The following TACC2 variants were observed in gnomAD, a reference collection of about 807,000 sequenced individuals.
TACC2 encodes transforming acidic coiled-coil containing protein 2, also known as transforming acidic coiled-coil-containing protein 2.
Under a neutral mutation model 227.3 loss-of-function variants are expected in TACC2, and 137 were observed. The observed-to-expected ratio is 0.60, with a 90% CI of 0.52 to 0.69. TACC2 has a LOEUF of 0.69. TACC2 is among the 30% of genes least tolerant of loss of function. TACC2 has a pLI of 0.00. For synonymous variants in TACC2, 1,523 were observed against 1,487.5 expected (o/e 1.02, Z -0.55); for missense variants, 3,470 against 3,694.4 (o/e 0.94, Z 1.57).
chr10:122,185,282 C>T (rs2094145878), intron 7 of TACC2, among the ~76,000 whole-genome samples: 1 of 151,854 alleles, frequency 6.6e-6, no homozygotes, highest in Non-Finnish European at 1.5e-5. Context: ...ACCTCCGCCT[C>T]CTGGGTTCAT....
At chr10:122,060,285 AAAG>A (rs764373093) in intron 3 of TACC2, among the ~76,000 whole-genome samples, 8 of 152,096 alleles carry the variant, frequency 5.3e-5, no homozygotes, top group Non-Finnish European at 1.0e-4. Context: ...CCAGGCGGTC[AAAG>A]AAGGGGCCCA....
rs1359762986 is a variant in TACC2, at chr10:122,087,138, C to A, written c.4638C>A (p.Tyr1546Ter). Residue 1546 changes from tyrosine to a stop codon, truncating the protein, a stop_gained, in exon 4 of 23, where the codon TAC becomes TAA. Coordinates refer to ENST00000369005, the MANE Select transcript of TACC2 (RefSeq NM_206862.4). LOFTEE classifies it high-confidence loss of function. ...AAWPGLEGQA[Y>*]SQLERSRQEL... Reference sequence around the variant, plus strand: ...GGCCAGGCCTGGAAGGCCAGGCTTACTCACAGCTGGAGAGGAGCAGGCAGG... The same window carrying A: ...GGCCAGGCCTGGAAGGCCAGGCTTAATCACAGCTGGAGAGGAGCAGGCAGG... The A allele has an allele frequency of 6.2e-7, 1 of 1,610,784 alleles. No homozygotes were observed. Among genetic ancestry groups the A allele is most frequent in the Non-Finnish European group, 8.5e-7 (1 of 1,179,090 alleles).
In TACC2 at chr10:122,085,033, C is replaced by A. The variant is rs761456928; in HGVS notation, c.2533C>A (p.Leu845Ile). 9.3e-6 allele frequency: 15 copies of A among 1,614,052 alleles called. No homozygotes were observed. In the South Asian group the frequency reaches 1.6e-4, roughly 18 times the overall value. ...AQPETSIFDV[L>I]KEQAQPPENG... ...ACCAGAGACATCCATCTTTGACGTG[C>A]TCAAGGAGCAGGCCCAGCCACCTGA... Residue 845 changes from leucine (L) to isoleucine (I), a missense_variant, in exon 4 of 23, where the codon CTC becomes ATC. By Grantham distance (5) the Leu-to-Ile change is conservative. Transcript: ENST00000369005.
rs75408658 is a variant in TACC2, at chr10:122,123,448, C to A, written c.5574-9161C>A. ...ATCACTAAAAAGCACAATGTGCTTA[C>A]CCCGAGGGACCTGGGGAACCCACCT... is the stretch of plus-strand genomic sequence containing the variant. On this transcript the variant is annotated intron_variant, in intron 5 of 22. Coordinates refer to ENST00000369005, the MANE Select transcript of TACC2 (RefSeq NM_206862.4). 7.2e-3 allele frequency among the ~76,000 whole-genome samples: 1,098 copies of A among 152,280 alleles called. 16 individuals carry two copies. Among genetic ancestry groups the A allele is most frequent in the African/African-American group, 0.024 (1,002 of 41,560 alleles).
rs372413580 is a variant in TACC2 at position 122,249,093 on chromosome 10, G to A, written c.8597G>A (p.Arg2866Gln). The A allele has an allele frequency of 1.9e-5, 30 of 1,613,282 alleles. No individual in the cohort carries two copies. The highest frequency in any genetic ancestry group is 2.2e-5 in the East Asian group (1 of 44,886). Reference sequence around the variant, plus strand: ...AGATGTGCGCAGGAGTACCTGTCCCGGGTGAAGAAGGAGGAGCAGAGGTAC... The same window carrying A: ...AGATGTGCGCAGGAGTACCTGTCCCAGGTGAAGAAGGAGGAGCAGAGGTAC... ...LKRCAQEYLS[R>Q]VKKEEQRYQA... is the part of the protein sequence containing the mutation. Residue 2866 changes from arginine to glutamine, a missense_variant, in exon 21 of 23, where the codon CGG (arginine) becomes CAG (glutamine). Arg to Gln is a conservative substitution (Grantham distance 43). Around this residue, in one of 10 missense-constraint regions of TACC2, gnomAD observed 89 missense variants for 91.4 expected, o/e 0.97. Transcript: ENST00000369005.
chr10:122,211,695 A>G lies in TACC2; in HGVS notation c.7270A>G (p.Thr2424Ala). ...GLNKPAKKKK[T>A]PLKTDTFRVK... ...AAACAAGCCCGCCAAGAAGAAGAAG[A>G]CGCCCCTAAAGACGTAAGTTCAGGG... is the stretch of plus-strand genomic sequence containing the variant. The change falls in exon 9 of 23, where the codon ACG becomes GCG. Residue 2424 changes from threonine to alanine, a missense_variant. Thr to Ala is a moderately conservative substitution (Grantham distance 58). This residue lies in a region of TACC2 where 593 missense variants were observed against 636.6 expected (regional missense o/e 0.93). Coordinates refer to ENST00000369005, the MANE Select transcript of TACC2 (RefSeq NM_206862.4). 1 of 1,554,192 alleles carries G rather than the reference A, an allele frequency of 6.4e-7. No homozygotes were observed. The highest frequency in any genetic ancestry group is 2.2e-5 in the East Asian group (1 of 44,558).
rs1056009119 is a variant in TACC2 at position 122,144,504 on chromosome 10, G to A, written c.5834+798G>A. On this transcript the variant is annotated intron_variant, in intron 7 of 22. Coordinates refer to ENST00000369005, the MANE Select transcript of TACC2 (RefSeq NM_206862.4). ...AAATGCATCTGGGTGTGCTGAGAAC[G>A]GCAGGCCTCGGTCCTCAGGGAGCTC... is the stretch of plus-strand genomic sequence containing the variant. Among the ~76,000 whole-genome samples, 5 of 152,180 alleles carry A rather than the reference G, an allele frequency of 3.3e-5. No individual in the cohort carries two copies. In the East Asian group the frequency reaches 9.6e-4, roughly 29 times the overall value.
Position 122,230,398 on chromosome 10 carries a change from C to A in TACC2, c.8085C>A (p.Ala2695=), listed in dbSNP as rs776167726. The change falls in exon 16 of 23, where the codon GCC becomes GCA. Residue 2695 remains alanine, a synonymous_variant. Coordinates refer to ENST00000369005, the MANE Select transcript of TACC2 (RefSeq NM_206862.4). ...TGCGGATAGAAGCCCTGAAGCTGGCCAGGCAGATTGCTTTGGCTTCCCGCA... is the reference window on the plus strand; with the variant it reads ...TGCGGATAGAAGCCCTGAAGCTGGCAAGGCAGATTGCTTTGGCTTCCCGCA... The part of the protein sequence containing the change: ...AIMRIEALKL[A]RQIALASRSH... 1 of 1,614,198 alleles carries A rather than the reference C, an allele frequency of 6.2e-7. No individual in the cohort carries two copies. The highest frequency in any genetic ancestry group is 8.5e-7 in the Non-Finnish European group (1 of 1,180,038).
At chr10:122,069,968 A>G (rs551793131) in intron 3 of TACC2, among the ~76,000 whole-genome samples, 42 of 152,334 alleles carry the variant, frequency 2.8e-4, no homozygotes. Flanking sequence ...AGGAAGCTGG[A>G]TGATCTTTAT....
Position 122,112,561 on chromosome 10 carries a change from A to G in TACC2, c.5574-20048A>G, listed in dbSNP as rs563968862. On this transcript the variant is annotated intron_variant, in intron 5 of 22. Coordinates refer to ENST00000369005, the MANE Select transcript of TACC2 (RefSeq NM_206862.4). ...TGGCTCCAGGAACAAGCGAGGCACC[A>G]TTTCACCCCCAGCTTCTTTCTGAGG... Among the ~76,000 whole-genome samples the G allele has an allele frequency of 2.6e-5, 4 of 152,264 alleles. No individual in the cohort carries two copies. In the South Asian group the frequency reaches 8.3e-4, roughly 32 times the overall value.
intron 8 of TACC2, among the ~76,000 whole-genome samples, chr10:122,196,933 CA>C (rs58473562): frequency 0.068 from 5,347 of 78,114 alleles, 303 homozygotes; most frequent in African/African-American, 0.25. Context: ...GAGTCCGTCT[CA>C]AAAAAAAAAA....
chr10:122,027,168 G>A (rs1253812025), intron 2 of TACC2, among the ~76,000 whole-genome samples: 1 of 152,094 alleles, frequency 6.6e-6, no homozygotes, highest in African/African-American at 2.4e-5. Flanking sequence ...GGTATATAGT[G>A]GTATCTTGTT....
At chr10:122,153,296 G>C (rs2092235253) in intron 7 of TACC2, among the ~76,000 whole-genome samples, 1 of 152,176 alleles carries the variant, frequency 6.6e-6, no homozygotes, top group East Asian at 1.9e-4. Context: ...GGCCCGATAT[G>C]TATTTCATCT....
At chr10:122,249,237 G>T in intron 21 of TACC2, 81 bp downstream of exon 21, 1 of 1,057,632 alleles carries the variant, frequency 9.5e-7, no homozygotes. Context: ...CTCTGGCAGC[G>T]CCTGTGACAT....
At chr10:122,047,237 C>T (rs750975349) in intron 2 of TACC2, among the ~76,000 whole-genome samples, 4 of 123,606 alleles carry the variant, frequency 3.2e-5, no homozygotes, top group African/African-American at 6.1e-5. Flanking sequence ...TGCAGCGATC[C>T]GAGATGGTGC....
chr10:122,215,537 C>T (rs2095385806), intron 10 of TACC2, 86 bp downstream of exon 10: 3 of 1,131,198 alleles, frequency 2.7e-6, no homozygotes, highest in Non-Finnish European at 4.0e-6. Context: ...GCTTTCTGCT[C>T]ATCCCGGGCC....
At chr10:122,048,020 C>T (rs2075230963) in intron 2 of TACC2, among the ~76,000 whole-genome samples, 4 of 152,168 alleles carry the variant, frequency 2.6e-5, no homozygotes, top group African/African-American at 4.8e-5. Flanking sequence ...GAACCTTAGC[C>T]AAAGCTAGCT....
intron 3 of TACC2, among the ~76,000 whole-genome samples, chr10:122,054,914 C>G (rs1273377994): frequency 1.3e-5 from 2 of 152,076 alleles, no homozygotes; most frequent in African/African-American, 4.8e-5. Context: ...GAGGACAGGT[C>G]TTTTTGGTGT....
intron 1 of TACC2, among the ~76,000 whole-genome samples, chr10:122,004,296 G>T (rs1005442642): frequency 1.3e-5 from 2 of 151,904 alleles, no homozygotes; most frequent in Non-Finnish European, 2.9e-5. Flanking sequence ...TACTCAGGAG[G>T]CTGAGACAGG....
Sources: allele counts gnomAD v4.1 joint callset (sites outside exome capture counted in the v4.1 genomes callset), GRCh38; gene constraint gnomAD v4.1.1; regional missense constraint gnomAD v4.1.1; transcripts MANE v1.5; gene names NCBI Gene and HGNC (gene_info 2026-07-23, HGNC 2026-07-21).